The following HSD17B4 variants were observed in gnomAD, a reference collection of about 807,000 sequenced individuals.
HSD17B4 encodes peroxisomal multifunctional enzyme type 2.
In HSD17B4, 70 loss-of-function variants were observed where a neutral mutation model predicts 101.0. The ratio of observed to expected loss-of-function variants is 0.69; its 90% CI spans 0.57 to 0.85. The LOEUF is 0.85. Ranked by LOEUF, HSD17B4 falls within the 40% of genes least tolerant of loss-of-function variation. The pLI is 0.00. For synonymous variants in HSD17B4, 347 were observed against 297.1 expected, an observed-to-expected ratio of 1.17 and a Z score of -1.73; for missense variants, 984 against 892.4, an observed-to-expected ratio of 1.10 and a Z score of -1.31.
At chr5:119,512,471 A>G (rs1752261957) in intron 16 of HSD17B4, among the ~76,000 whole-genome samples, 1 of 152,106 alleles carries the variant, frequency 6.6e-6, no homozygotes, top group Admixed American at 6.5e-5. Flanking sequence ...TTACAAAGGA[A>G]CCCTAATAAG....
At chr5:119,475,061 A>G (rs1034697146) in intron 4 of HSD17B4, among the ~76,000 whole-genome samples, 12 of 152,072 alleles carry the variant, frequency 7.9e-5, no homozygotes, top group African/African-American at 2.9e-4. Flanking sequence ...TTCTTAATTG[A>G]ATGTGCTCTC....
chr5:119,503,837 C>T (rs112616592), intron 14 of HSD17B4, among the ~76,000 whole-genome samples: 7 of 151,282 alleles, frequency 4.6e-5, no homozygotes, highest in Admixed American at 6.6e-5. Context: ...AGATTTATTA[C>T]GTGGGTGTAT....
intron 17 of HSD17B4, among the ~76,000 whole-genome samples, chr5:119,522,525 G>C: frequency 6.6e-6 from 1 of 152,136 alleles, no homozygotes; most frequent in Non-Finnish European, 1.5e-5. Context: ...TTTTATGTTA[G>C]TGTTGTACAG....
intron 6 of HSD17B4, chr5:119,476,621 C>CTAAAAGCTAG: frequency 2.0e-6 from 2 of 985,094 alleles, no homozygotes; most frequent in Non-Finnish European, 2.4e-6. Flanking sequence ...TTAGTTTCTG[C>CTAAAAGCTAG]TTCCCTTGTA....
chr5:119,525,204 C>T lies in HSD17B4; in HGVS notation c.1504-12C>T, dbSNP rs1561484963. ...ACACTGAGTTCTAGTTATGTTTATG[C>T]TTTCTCCACAGGCTGCTTTGTACCG... On this transcript the variant is annotated splice_polypyrimidine_tract_variant and intron_variant, in intron 17 of 23. Coordinates refer to ENST00000510025, the MANE Select transcript of HSD17B4 (RefSeq NM_000414.4). 6.2e-7 allele frequency: 1 copy of T among 1,600,248 alleles called. No homozygotes were observed. The highest frequency in any genetic ancestry group is 8.6e-7 in the Non-Finnish European group (1 of 1,167,912).
At chr5:119,525,615 G>T (rs539118146) in intron 18 of HSD17B4, 1 of 517,956 alleles carries the variant, frequency 1.9e-6, no homozygotes, top group African/African-American at 1.9e-5. Context: ...TCATGTACCT[G>T]TGTGGATGTT....
intron 20 of HSD17B4, among the ~76,000 whole-genome samples, chr5:119,529,662 A>G (rs1005382803): frequency 2.6e-5 from 4 of 152,144 alleles, no homozygotes; most frequent in Non-Finnish European, 2.9e-5. Flanking sequence ...TTTGTTTTAA[A>G]GGGCTCCAGC....
intron 4 of HSD17B4, among the ~76,000 whole-genome samples, chr5:119,475,113 TTTGA>T (rs1181952112): frequency 1.3e-5 from 2 of 152,132 alleles, no homozygotes; most frequent in African/African-American, 2.4e-5. Flanking sequence ...TCTAATTTTG[TTTGA>T]TTGAACTCAT....
intron 2 of HSD17B4, among the ~76,000 whole-genome samples, chr5:119,465,383 T>C (rs1002852829): frequency 5.9e-5 from 9 of 152,196 alleles, no homozygotes; most frequent in African/African-American, 2.2e-4. Flanking sequence ...ACTCAGTTCA[T>C]GTGAGATCTG....
In HSD17B4 at chr5:119,485,300, G is replaced by T. The variant is rs189681651; in HGVS notation, c.623-3892G>T. ...AAATTTGTTTTTCTTTGGGAATATG[G>T]TATCATTTATTTGAACAGATCTGGA... On this transcript the variant is annotated intron_variant, in intron 8 of 23. Transcript: ENST00000510025. Among the ~76,000 whole-genome samples the T allele has an allele frequency of 8.4e-4, 128 of 152,194 alleles. 1 individual carries two copies. The highest frequency in any genetic ancestry group is 2.8e-3 in the African/African-American group (116 of 41,540).
intron 9 of HSD17B4, among the ~76,000 whole-genome samples, chr5:119,491,103 A>G (rs532405175): frequency 1.3e-5 from 2 of 152,230 alleles, no homozygotes; most frequent in East Asian, 1.9e-4. Context: ...AGATACAAAT[A>G]TTTTTTGGCT....
At chr5:119,492,388 A>T (rs1750189055) in intron 10 of HSD17B4, 1 of 495,974 alleles carries the variant, frequency 2.0e-6, no homozygotes. Context: ...AGAACTGGCT[A>T]TTCCTTCAGA....
rs1753184715 is a variant in HSD17B4, at chr5:119,522,258, C to G, written c.1504-2958C>G. On this transcript the variant is annotated intron_variant, in intron 17 of 23. Transcript: ENST00000510025. ...GCTTCATCCATGTCCCTACAAAAGA[C>G]ATGAACTCATCCTTTTTTATGACTG... 2.0e-5 allele frequency among the ~76,000 whole-genome samples: 3 copies of G among 152,192 alleles called. No homozygotes were observed. In the South Asian group the frequency reaches 6.2e-4, roughly 31 times the overall value.
chr5:119,460,229 T>C (rs1755084812), intron 2 of HSD17B4, among the ~76,000 whole-genome samples: 2 of 152,202 alleles, frequency 1.3e-5, no homozygotes, highest in Admixed American at 1.3e-4. Flanking sequence ...ATGTGAGTTT[T>C]GGAGGGGCTA....
At position 119,478,758 on chromosome 5, in the gene HSD17B4, T is replaced by C. The variant is rs541880475; in HGVS notation, c.435-76T>C. On this transcript the variant is annotated intron_variant, in intron 7 of 23. Transcript: ENST00000510025. ...TAGTTGCTTTTGATAGGTGCAGTAG[T>C]ACCAAAACAGAGTTAGAGTTGCAAT... is the stretch of plus-strand genomic sequence containing the variant. 7.5e-5 allele frequency: 93 copies of C among 1,236,294 alleles called. No individual in the cohort carries two copies. The African/African-American group carries it at 1.1e-3, about 15-fold the overall frequency. The allele number at this position is 1,236,294 out of a possible 1,614,324, so 76.6% of individuals were successfully genotyped here. A position where few individuals can be genotyped will look rare whatever the true frequency, so the allele number is the denominator to read the frequency against.
At chr5:119,453,669 G>A (rs892863664) in intron 1 of HSD17B4, among the ~76,000 whole-genome samples, 1 of 152,184 alleles carries the variant, frequency 6.6e-6, no homozygotes, top group Non-Finnish European at 1.5e-5. Context: ...TTTCATATCT[G>A]TATTGATAAA....
At chr5:119,516,587 T>G (rs1241459356) in intron 17 of HSD17B4, among the ~76,000 whole-genome samples, 1 of 152,236 alleles carries the variant, frequency 6.6e-6, no homozygotes, top group Non-Finnish European at 1.5e-5. Flanking sequence ...GCAGAGGTTC[T>G]TGGCCATTTT....
chr5:119,492,002 A>G, intron 9 of HSD17B4, 98 bp from the exon 10 acceptor site: 1 of 903,466 alleles, frequency 1.1e-6, no homozygotes, highest in Non-Finnish European at 1.9e-6. Context: ...CTTGAATTCT[A>G]ATACTGCTAG....
intron 14 of HSD17B4, among the ~76,000 whole-genome samples, chr5:119,503,509 C>T (rs1215616354): frequency 1.3e-5 from 2 of 151,988 alleles, no homozygotes; most frequent in African/African-American, 4.8e-5. Context: ...GGTTTGGAAC[C>T]TTTTAAACTG....
Sources: gnomAD v4.1 joint callset for allele counts (sites outside exome capture counted in the v4.1 genomes callset) on GRCh38, gnomAD v4.1.1 for gene constraint, MANE v1.5 for transcripts, NCBI Gene and HGNC (gene_info 2026-07-23, HGNC 2026-07-21) for gene names.